The following COL26A1 variants were observed in gnomAD, a reference collection of about 807,000 sequenced individuals.
COL26A1 encodes collagen type XXVI alpha 1 chain.
In COL26A1, 41 loss-of-function variants were observed where a neutral mutation model predicts 59.3. The observed-to-expected ratio is 0.69, with a 90% CI of 0.54 to 0.90. COL26A1 has a LOEUF of 0.90. Ranked by LOEUF, COL26A1 falls within the 40% of genes least tolerant of loss-of-function variation. The pLI is 0.00. For missense variants in COL26A1, 612 were observed against 602.3 expected, an observed-to-expected ratio of 1.02 and a Z score of -0.17; for synonymous variants, 266 against 256.0, an observed-to-expected ratio of 1.04 and a Z score of -0.37.
At chr7:101,553,597 G>A (rs1795905518) in intron 11 of COL26A1, among the ~76,000 whole-genome samples, 1 of 152,120 alleles carries the variant, frequency 6.6e-6, no homozygotes, top group African/African-American at 2.4e-5. Context: ...TGGCTGGGTG[G>A]GGATGCCACA....
intron 2 of COL26A1, among the ~76,000 whole-genome samples, chr7:101,447,376 AC>A (rs1445082687): frequency 2.0e-5 from 3 of 152,184 alleles, no homozygotes; most frequent in Non-Finnish European, 1.5e-5. Flanking sequence ...TCAGAGTCAA[AC>A]CATAAACTAA....
chr7:101,367,287 T>C (rs1791069315), intron 1 of COL26A1, among the ~76,000 whole-genome samples: 1 of 152,140 alleles, frequency 6.6e-6, no homozygotes, highest in Non-Finnish European at 1.5e-5. Context: ...GTGGTGGTAT[T>C]TGGAGGGGGG....
chr7:101,363,726 C>G (rs865945471), intron 1 of COL26A1, among the ~76,000 whole-genome samples: 44 of 152,082 alleles, frequency 2.9e-4, no homozygotes, highest in African/African-American at 9.9e-4. Flanking sequence ...CCAACCTTCG[C>G]CCCCTCGTTC....
At chr7:101,555,934 G>A (rs1044430395) in intron 12 of COL26A1, 63 bp downstream of exon 12, 8 of 1,373,770 alleles carry the variant, frequency 5.8e-6, no homozygotes, top group South Asian at 3.8e-5. Context: ...TCCCAATGCT[G>A]CCCTCATGGC....
chr7:101,363,617 CGGGGCTGCGGGGTT>C lies in COL26A1; in HGVS notation c.158+429_158+442del, dbSNP rs1477300061. Among the ~76,000 whole-genome samples the C allele has an allele frequency of 2.3e-3, 278 of 120,884 alleles. 10 individuals carry two copies. In the East Asian group the frequency reaches 0.05, roughly 22 times the overall value. The allele number at this position is 120,884 out of a possible 152,430, so 79.3% of individuals were successfully genotyped here. A position where few individuals can be genotyped will look rare whatever the true frequency, so the allele number is the denominator to read the frequency against. On this transcript the variant is annotated intron_variant, in intron 1 of 12. Transcript: ENST00000313669. Reference sequence around the variant, plus strand: ...GCTGGGGGTTGGGGCCGCGGGGCTGCGGGGCTGCGGGGTTGCGGGGGCTGAAGGTTCGGGTCCGG... The same window carrying C: ...GCTGGGGGTTGGGGCCGCGGGGCTGCGCGGGGGCTGAAGGTTCGGGTCCGG...
chr7:101,543,273 C>T (rs1303702800), intron 5 of COL26A1, among the ~76,000 whole-genome samples: 1 of 151,988 alleles, frequency 6.6e-6, no homozygotes, highest in East Asian at 1.9e-4. Flanking sequence ...GGGCTCAAGC[C>T]ATCCTCCCAC....
chr7:101,388,571 T>TTTCTTTC (rs927227456), intron 1 of COL26A1, among the ~76,000 whole-genome samples: 3 of 109,880 alleles, frequency 2.7e-5, no homozygotes, highest in African/African-American at 9.2e-5. Flanking sequence ...ACCTATTTTC[T>TTTCTTTC]TTTTTTTTTT....
At chr7:101,536,235 C>T (rs1795479621) in intron 4 of COL26A1, among the ~76,000 whole-genome samples, 1 of 152,234 alleles carries the variant, frequency 6.6e-6, no homozygotes, top group Non-Finnish European at 1.5e-5. Flanking sequence ...AGGCTGGTCT[C>T]AAACTCCTGA....
chr7:101,503,094 C>T (rs1440131119), intron 3 of COL26A1, among the ~76,000 whole-genome samples: 1 of 152,156 alleles, frequency 6.6e-6, no homozygotes, highest in Admixed American at 6.6e-5. Context: ...TACGCAGTTA[C>T]TCCTGTTACA....
At chr7:101,509,219 C>T (rs574853176) in intron 3 of COL26A1, among the ~76,000 whole-genome samples, 11 of 152,000 alleles carry the variant, frequency 7.2e-5, no homozygotes, top group East Asian at 5.8e-4. Context: ...CCGAGGTGGG[C>T]GGATGATTTG....
chr7:101,496,519 G>A (rs1307052967), intron 3 of COL26A1, among the ~76,000 whole-genome samples: 1 of 152,148 alleles, frequency 6.6e-6, no homozygotes, highest in African/African-American at 2.4e-5. Context: ...ACTGAGAGGG[G>A]AAGAAGCTGT....
intron 1 of COL26A1, among the ~76,000 whole-genome samples, chr7:101,419,614 C>T (rs1792463019): frequency 6.6e-6 from 1 of 152,228 alleles, no homozygotes; most frequent in South Asian, 2.1e-4. Context: ...AGATGCCCTG[C>T]TCCGTTCCTG....
intron 2 of COL26A1, among the ~76,000 whole-genome samples, chr7:101,433,401 G>T (rs1261510996): frequency 6.6e-6 from 1 of 152,140 alleles, no homozygotes; most frequent in East Asian, 1.9e-4. Flanking sequence ...ACTGGCCTCA[G>T]AAGAGTCCTG....
At chr7:101,466,141 C>T (rs575333010) in intron 3 of COL26A1, among the ~76,000 whole-genome samples, 5 of 152,174 alleles carry the variant, frequency 3.3e-5, no homozygotes, top group Admixed American at 1.3e-4. Flanking sequence ...AGGCCACAGG[C>T]GTCAATAGCC....
intron 1 of COL26A1, among the ~76,000 whole-genome samples, chr7:101,403,893 C>T (rs370342318): frequency 6.6e-5 from 10 of 152,202 alleles, no homozygotes; most frequent in East Asian, 3.9e-4. Flanking sequence ...GTCAGGAGTT[C>T]GAGACCAGCC....
chr7:101,530,289 C>T (rs1177554252), intron 3 of COL26A1, among the ~76,000 whole-genome samples: 1 of 152,038 alleles, frequency 6.6e-6, no homozygotes, highest in East Asian at 1.9e-4. Context: ...AGGCACTAGG[C>T]TGGGCGTGGT....
chr7:101,470,756 C>T (rs947767844), intron 3 of COL26A1, among the ~76,000 whole-genome samples: 1 of 151,954 alleles, frequency 6.6e-6, no homozygotes, highest in Admixed American at 6.6e-5. Flanking sequence ...TACATAGGCT[C>T]GATTGATTAC....
At chr7:101,518,281 C>G (rs1795072159) in intron 3 of COL26A1, among the ~76,000 whole-genome samples, 2 of 152,184 alleles carry the variant, frequency 1.3e-5, no homozygotes, top group Non-Finnish European at 2.9e-5. Flanking sequence ...GAGGCCTCAC[C>G]TAGTCCCAAG....
chr7:101,389,649 G>A (rs1192475489), intron 1 of COL26A1, among the ~76,000 whole-genome samples: 1 of 151,960 alleles, frequency 6.6e-6, no homozygotes, highest in Non-Finnish European at 1.5e-5. Flanking sequence ...TCTGCTACCC[G>A]GGTTCAAGAA....
Sources: allele counts gnomAD v4.1 joint callset (sites outside exome capture counted in the v4.1 genomes callset), GRCh38; gene constraint gnomAD v4.1.1; transcripts MANE v1.5; gene names NCBI Gene and HGNC (gene_info 2026-07-23, HGNC 2026-07-21).